NEUROG1: variants seen among roughly 807,000 people sequenced by gnomAD.
NEUROG1 encodes the protein neurogenin 1.
Under a neutral mutation model 5.7 loss-of-function variants are expected in NEUROG1, and 5 were observed. That is an observed-to-expected ratio of 0.88 (90% confidence interval 0.46 to 1.85). The LOEUF is 1.85. Ranked by LOEUF, NEUROG1 falls within the 40% of genes most tolerant of loss-of-function variation. NEUROG1 has a pLI of 0.01. For synonymous variants in NEUROG1, 196 were observed against 157.4 expected, an observed-to-expected ratio of 1.25 and a Z score of -1.84; for missense variants, 403 against 345.7, an observed-to-expected ratio of 1.17 and a Z score of -1.32.
chr5:135,535,558 G>C lies in NEUROG1; in HGVS notation c.133C>G (p.Pro45Ala), dbSNP rs758792026. The change falls in exon 1 of 1, where the codon CCC becomes GCC. Residue 45 changes from proline (P) to alanine (A), a missense_variant. Transcript: ENST00000314744. ...GGCGCGCCCCTGCGGGCCGGCGCGG[G>C]CGGCCCCGAAGCGGAGGCTGCCTGT... The part of the protein sequence containing the change: ...LQQAASASGP[P>A]APARRGAPNI... 1 of 1,575,730 alleles carries C rather than the reference G, an allele frequency of 6.3e-7. No homozygotes were observed. The highest frequency in any genetic ancestry group is 1.1e-5 in the South Asian group (1 of 87,324).
In NEUROG1 at chr5:135,535,321, C is replaced by T. The variant is rs762165650; in HGVS notation, c.370G>A (p.Asp124Asn). 3 of 1,613,490 alleles carry T rather than the reference C, an allele frequency of 1.9e-6. No individual in the cohort carries two copies. The highest frequency in any genetic ancestry group is 2.5e-6 in the Non-Finnish European group (3 of 1,179,694). ...TCGATTTTGGTGAGCTTGGTGTCGT[C>T]GGGGAACGAGGGCAGCACGCTGCGC... ...ALRSVLPSFP[D>N]DTKLTKIETL... Residue 124 changes from aspartate (D) to asparagine (N), a missense_variant, in exon 1 of 1, where the codon GAC becomes AAC. By Grantham distance (23) the Asp-to-Asn change is conservative. Coordinates refer to ENST00000314744, the MANE Select transcript of NEUROG1 (RefSeq NM_006161.3).
In NEUROG1 at chr5:135,534,931, G is replaced by C. The variant is rs759309294; in HGVS notation, c.*46C>G. 2.5e-6 allele frequency: 4 copies of C among 1,577,460 alleles called. No homozygotes were observed. The highest frequency in any genetic ancestry group is 3.4e-6 in the Non-Finnish European group (4 of 1,163,250). ...GGCGGCAGCTGGGGCCCCATCTATTGCCTGCTGACTAGGGGAGGGGGAAAG... is the reference window on the plus strand; with the variant it reads ...GGCGGCAGCTGGGGCCCCATCTATTCCCTGCTGACTAGGGGAGGGGGAAAG... On this transcript the variant is annotated 3_prime_UTR_variant, in exon 1 of 1. Coordinates refer to ENST00000314744, the MANE Select transcript of NEUROG1 (RefSeq NM_006161.3).
rs1750496449 is a variant in NEUROG1, at chr5:135,534,785, G to A, written c.*192C>T. On this transcript the variant is annotated 3_prime_UTR_variant, in exon 1 of 1. Coordinates refer to ENST00000314744, the MANE Select transcript of NEUROG1 (RefSeq NM_006161.3). ...GGGCAGGAGGGGCGCTGGGCTGAGGGCCGGAGAAACAGACCAAGAGACATC... is the reference window on the plus strand; with the variant it reads ...GGGCAGGAGGGGCGCTGGGCTGAGGACCGGAGAAACAGACCAAGAGACATC... 1 of 601,896 alleles carries A rather than the reference G, an allele frequency of 1.7e-6. No individual in the cohort carries two copies. Among genetic ancestry groups the A allele is most frequent in the Admixed American group, 3.4e-5 (1 of 29,216 alleles). The allele number at this position is 601,896 out of a possible 1,614,324, so 37.3% of individuals were successfully genotyped here.
rs1007002916 is a variant in NEUROG1 at position 135,535,492 on chromosome 5, C to A, written c.199G>T (p.Asp67Tyr). The change falls in exon 1 of 1, where the codon GAC (aspartate) becomes TAC (tyrosine). Residue 67 changes from aspartate to tyrosine, a missense_variant. Transcript: ENST00000314744. ...RASEVPGAQD[D>Y]EQERRRRRGR... ...CGGCGCCGCCGCCTCTCCTGCTCGT[C>A]GTCCTGTGCCCCTGGAACCTCAGAC... The A allele has an allele frequency of 3.8e-6, 6 of 1,571,558 alleles. No homozygotes were observed. Among genetic ancestry groups the A allele is most frequent in the Non-Finnish European group, 4.3e-6 (5 of 1,164,812 alleles).
chr5:135,534,886 G>T lies in NEUROG1; in HGVS notation c.*91C>A. ...TTTAAAGCTCCCGCTTCCTCCCTCC[G>T]CCTGGAGAGGGGGTCCCGAGGCGGC... On this transcript the variant is annotated 3_prime_UTR_variant, in exon 1 of 1. Coordinates refer to ENST00000314744, the MANE Select transcript of NEUROG1 (RefSeq NM_006161.3). 1 of 1,332,160 alleles carries T rather than the reference G, an allele frequency of 7.5e-7. No individual in the cohort carries two copies. Among genetic ancestry groups the T allele is most frequent in the Non-Finnish European group, 1.0e-6 (1 of 973,390 alleles). 82.5% of individuals were successfully genotyped at this position (1,332,160 alleles called of 1,614,324 possible).
chr5:135,535,077 G>A lies in NEUROG1; in HGVS notation c.614C>T (p.Ser205Phe), dbSNP rs1373555538. Residue 205 changes from serine to phenylalanine, a missense_variant, in exon 1 of 1, where the codon TCC becomes TTC. Ser to Phe is a radical substitution (Grantham distance 155). Coordinates refer to ENST00000314744, the MANE Select transcript of NEUROG1 (RefSeq NM_006161.3). The part of the protein sequence containing the change: ...PLSDPSSPAA[S>F]EDFTYRPGDP... ...GCCGGGGCGGTAGGTGAAGTCTTCGGAGGCGGCTGGGCTACTGGGGTCAGA... is the reference window on the plus strand; with the variant it reads ...GCCGGGGCGGTAGGTGAAGTCTTCGAAGGCGGCTGGGCTACTGGGGTCAGA... 4 of 1,613,774 alleles carry A rather than the reference G, an allele frequency of 2.5e-6. No individual in the cohort carries two copies. In the East Asian group the frequency reaches 8.9e-5, roughly 36 times the overall value.
At position 135,535,772 on chromosome 5, in the gene NEUROG1, C is replaced by T. The variant is rs1750533171; in HGVS notation, c.-82G>A. On this transcript the variant is annotated 5_prime_UTR_variant, in exon 1 of 1. Coordinates refer to ENST00000314744, the MANE Select transcript of NEUROG1 (RefSeq NM_006161.3). ...CGGACTGAGGGCAGAGCCGCCAGGGCGCACTTACGTTCCCAACAGCCTGGG... is the reference window on the plus strand; with the variant it reads ...CGGACTGAGGGCAGAGCCGCCAGGGTGCACTTACGTTCCCAACAGCCTGGG... 1.5e-6 allele frequency: 2 copies of T among 1,306,232 alleles called. No individual in the cohort carries two copies. Among genetic ancestry groups the T allele is most frequent in the South Asian group, 3.2e-5 (2 of 63,312 alleles). The allele number at this position is 1,306,232 out of a possible 1,614,324, so 80.9% of individuals were successfully genotyped here.
chr5:135,535,096 G>C lies in NEUROG1; in HGVS notation c.595C>G (p.Pro199Ala), dbSNP rs777954737. ...TCTTCGGAGGCGGCTGGGCTACTGG[G>C]GTCAGAGAGCGGGGAGGCGGCGGCG... ...GAAAASPLSD[P>A]SSPAASEDFT... The change falls in exon 1 of 1, where the codon CCC becomes GCC. Residue 199 changes from proline (P) to alanine (A), a missense_variant. Coordinates refer to ENST00000314744, the MANE Select transcript of NEUROG1 (RefSeq NM_006161.3). The C allele has an allele frequency of 4.3e-6, 7 of 1,612,764 alleles. No individual in the cohort carries two copies. The highest frequency in any genetic ancestry group is 5.1e-6 in the Non-Finnish European group (6 of 1,179,544).
At position 135,535,641 on chromosome 5, in the gene NEUROG1, C is replaced by A; in HGVS notation, c.50G>T (p.Ser17Ile). Residue 17 changes from serine to isoleucine, a missense_variant, in exon 1 of 1, where the codon AGC becomes ATC. Ser to Ile is a moderately radical substitution (Grantham distance 142). Coordinates refer to ENST00000314744, the MANE Select transcript of NEUROG1 (RefSeq NM_006161.3). ...GAAGCCGGATAGGTCACTGCCGCTG[C>A]TGCTGGCGCAGTCGAGGTCGGAGAT... ...TCISDLDCAS[S>I]SGSDLSGFLT... is the part of the protein sequence containing the mutation. The A allele has an allele frequency of 1.3e-6, 2 of 1,586,594 alleles. No homozygotes were observed. The highest frequency in any genetic ancestry group is 3.6e-5 in the Admixed American group (2 of 55,418).
chr5:135,535,026 AGGCTTG>A lies in NEUROG1; in HGVS notation c.659_664del (p.Pro220_Ser221del), dbSNP rs780723974. The A allele has an allele frequency of 1.2e-6, 2 of 1,614,038 alleles. No individual in the cohort carries two copies. The highest frequency in any genetic ancestry group is 1.7e-6 in the Non-Finnish European group (2 of 1,179,958). On this transcript the variant is annotated inframe_deletion, in exon 1 of 1. Transcript: ENST00000314744. ...CGTTGTGTGGAGCAAGTCTTTGGGC[AGGCTTG>A]GGAAGGAGAAAACAGGGTCGCCGGG...
chr5:135,535,541 C>G lies in NEUROG1; in HGVS notation c.150G>C (p.Arg50Ser). The G allele has an allele frequency of 3.2e-6, 5 of 1,572,614 alleles. No homozygotes were observed. The highest frequency in any genetic ancestry group is 4.3e-6 in the Non-Finnish European group (5 of 1,166,328). The change falls in exon 1 of 1, where the codon AGG becomes AGC. Residue 50 changes from arginine (R) to serine (S), a missense_variant. By Grantham distance (110) the Arg-to-Ser change is moderately radical (BLOSUM62 -1). Transcript: ENST00000314744. Reference sequence around the variant, plus strand: ...ACGCCCGGGAGATATTGGGCGCGCCCCTGCGGGCCGGCGCGGGCGGCCCCG... The same window carrying G: ...ACGCCCGGGAGATATTGGGCGCGCCGCTGCGGGCCGGCGCGGGCGGCCCCG... ...SASGPPAPAR[R>S]GAPNISRASE...
Position 135,535,139 on chromosome 5 carries a change from C to T in NEUROG1, c.552G>A (p.Glu184=). The T allele has an allele frequency of 6.2e-7, 1 of 1,608,918 alleles. No individual in the cohort carries two copies. Among genetic ancestry groups the T allele is most frequent in the Non-Finnish European group, 8.5e-7 (1 of 1,177,698 alleles). ...PGPPSPASDA[E]SWGSGAAAAS... is the part of the protein sequence containing the mutation. ...CGGCGGCGGCACCTGAGCCCCAGGA[C>T]TCCGCGTCGCTGGCGGGGCTTGGGG... Residue 184 remains glutamate (E), a synonymous_variant, in exon 1 of 1, where the codon GAG becomes GAA. Coordinates refer to ENST00000314744, the MANE Select transcript of NEUROG1 (RefSeq NM_006161.3).
chr5:135,535,481 C>G lies in NEUROG1; in HGVS notation c.210G>C (p.Glu70Asp). Residue 70 changes from glutamate to aspartate, a missense_variant, in exon 1 of 1, where the codon GAG becomes GAC. Transcript: ENST00000314744. The stretch of plus-strand genomic sequence containing the variant: ...GCGTCCGGCCGCGGCGCCGCCGCCT[C>G]TCCTGCTCGTCGTCCTGTGCCCCTG... ...EVPGAQDDEQ[E>D]RRRRRGRTRV... 6.4e-7 allele frequency: 1 copy of G among 1,571,326 alleles called. No individual in the cohort carries two copies. The highest frequency in any genetic ancestry group is 8.6e-7 in the Non-Finnish European group (1 of 1,163,882).
chr5:135,535,324 G>A lies in NEUROG1; in HGVS notation c.367C>T (p.Pro123Ser). 6.2e-7 allele frequency: 1 copy of A among 1,613,612 alleles called. No homozygotes were observed. ...ATTTTGGTGAGCTTGGTGTCGTCGG[G>A]GAACGAGGGCAGCACGCTGCGCAGT... ...DALRSVLPSF[P>S]DDTKLTKIET... is the part of the protein sequence containing the mutation. Residue 123 changes from proline (P) to serine (S), a missense_variant, in exon 1 of 1, where the codon CCC (proline) becomes TCC (serine). Coordinates refer to ENST00000314744, the MANE Select transcript of NEUROG1 (RefSeq NM_006161.3).
chr5:135,535,522 G>T lies in NEUROG1; in HGVS notation c.169C>A (p.Arg57=). The change falls in exon 1 of 1, where the codon CGG becomes AGG. Residue 57 remains arginine, a synonymous_variant. Transcript: ENST00000314744. ...PARRGAPNIS[R]ASEVPGAQDD... ...TGTGCCCCTGGAACCTCAGACGCCCGGGAGATATTGGGCGCGCCCCTGCGG... is the reference window on the plus strand; with the variant it reads ...TGTGCCCCTGGAACCTCAGACGCCCTGGAGATATTGGGCGCGCCCCTGCGG... The T allele has an allele frequency of 6.4e-7, 1 of 1,573,692 alleles. No individual in the cohort carries two copies. Among genetic ancestry groups the T allele is most frequent in the Non-Finnish European group, 8.6e-7 (1 of 1,166,988 alleles).
rs1204842063 is a variant in NEUROG1 at position 135,534,501 on chromosome 5, AATGC to A, written c.*472_*475del. 2 of 157,890 alleles carry A rather than the reference AATGC, an allele frequency of 1.3e-5. No homozygotes were observed. Among genetic ancestry groups the A allele is most frequent in the Non-Finnish European group, 2.8e-5 (2 of 71,470 alleles). 9.8% of individuals were successfully genotyped at this position (157,890 alleles called of 1,614,324 possible). A position where few individuals can be genotyped will look rare whatever the true frequency, so the allele number is the denominator to read the frequency against. ...TGCAGTGGTGGGGGTCGGGATCCAT[AATGC>A]ATGAAGCCCACTCCTTGTCTCTGCT... On this transcript the variant is annotated 3_prime_UTR_variant, in exon 1 of 1. Transcript: ENST00000314744.
In NEUROG1 at chr5:135,535,334, C is replaced by A. The variant is rs767681049; in HGVS notation, c.357G>T (p.Leu119=). Reference sequence around the variant, plus strand: ...GCTTGGTGTCGTCGGGGAACGAGGGCAGCACGCTGCGCAGTGCGTCCAGGG... The same window carrying A: ...GCTTGGTGTCGTCGGGGAACGAGGGAAGCACGCTGCGCAGTGCGTCCAGGG... ...NAALDALRSV[L]PSFPDDTKLT... The change falls in exon 1 of 1, where the codon CTG becomes CTT. Residue 119 remains leucine, a synonymous_variant. Coordinates refer to ENST00000314744, the MANE Select transcript of NEUROG1 (RefSeq NM_006161.3). The A allele has an allele frequency of 5.0e-6, 8 of 1,613,474 alleles. No homozygotes were observed. The South Asian group carries it at 8.8e-5, about 18-fold the overall frequency.
Position 135,534,685 on chromosome 5 carries a change from G to A in NEUROG1, c.*292C>T, listed in dbSNP as rs1750492097. Reference sequence around the variant, plus strand: ...CTAAATCACACTGAAGTGGTGGCTGGGGTCAGTTCTGAGCCAGTCACAAAG... The same window carrying A: ...CTAAATCACACTGAAGTGGTGGCTGAGGTCAGTTCTGAGCCAGTCACAAAG... On this transcript the variant is annotated 3_prime_UTR_variant, in exon 1 of 1. Transcript: ENST00000314744. 2 of 362,686 alleles carry A rather than the reference G, an allele frequency of 5.5e-6. No homozygotes were observed. The highest frequency in any genetic ancestry group is 9.3e-5 in the East Asian group (2 of 21,564). 22.5% of individuals were successfully genotyped at this position (362,686 alleles called of 1,614,324 possible).
In NEUROG1 at chr5:135,535,292, C is replaced by T. The variant is rs141385125; in HGVS notation, c.399G>A (p.Thr133=). The T allele has an allele frequency of 6.2e-7, 1 of 1,613,574 alleles. No homozygotes were observed. Residue 133 remains threonine (T), a synonymous_variant, in exon 1 of 1, where the codon ACG becomes ACA. Coordinates refer to ENST00000314744, the MANE Select transcript of NEUROG1 (RefSeq NM_006161.3). The stretch of plus-strand genomic sequence containing the variant: ...AGATGTAGTTGTAGGCGAAGCGCAG[C>T]GTCTCGATTTTGGTGAGCTTGGTGT... ...PDDTKLTKIE[T]LRFAYNYIWA...
Sources: gnomAD v4.1 joint callset for allele counts on GRCh38, gnomAD v4.1.1 for gene constraint, MANE v1.5 for transcripts, NCBI Gene and HGNC (gene_info 2026-07-23, HGNC 2026-07-21) for gene names.